The following UTRN variants were observed in gnomAD, a reference collection of about 807,000 sequenced individuals.
The protein encoded by UTRN is dystrophin-related protein 1.
A neutral mutation model predicts 463.9 loss-of-function variants in UTRN; 283 were observed. That is an observed-to-expected ratio of 0.61 (90% CI 0.55 to 0.67). The LOEUF is 0.67. UTRN is among the 30% of genes least tolerant of loss of function. UTRN has a pLI of 0.00. For synonymous variants in UTRN, 1,442 were observed against 1,431.5 expected, an observed-to-expected ratio of 1.01 and a Z score of -0.17; for missense variants, 3,922 against 4,084.3, an observed-to-expected ratio of 0.96 and a Z score of 1.08.
At chr6:144,763,037 T>G (rs1457513143) in intron 58 of UTRN, among the ~76,000 whole-genome samples, 1 of 152,188 alleles carries the variant, frequency 6.6e-6, no homozygotes, top group Non-Finnish European at 1.5e-5. Context: ...TAGCTCAGTT[T>G]TTCCCACTGG....
At chr6:144,548,515 C>A in intron 46 of UTRN, 125 bp from the exon 47 acceptor site, 1 of 828,414 alleles carries the variant, frequency 1.2e-6, no homozygotes, top group Non-Finnish European at 1.8e-6. Flanking sequence ...GAAAAAATAA[C>A]CTCTTAGAAT....
At chr6:144,310,998 G>A (rs993201502) in intron 2 of UTRN, among the ~76,000 whole-genome samples, 1 of 152,192 alleles carries the variant, frequency 6.6e-6, no homozygotes, top group Non-Finnish European at 1.5e-5. Flanking sequence ...ATTTGTCAGC[G>A]TGGTTGCCAA....
intron 34 of UTRN, among the ~76,000 whole-genome samples, chr6:144,500,430 T>C (rs1794068720): frequency 6.6e-6 from 1 of 152,204 alleles, no homozygotes; most frequent in Non-Finnish European, 1.5e-5. Context: ...TGTCTGTTCA[T>C]TTTATTTGCC....
At chr6:144,696,081 G>A (rs181969835) in intron 52 of UTRN, among the ~76,000 whole-genome samples, 18 of 152,178 alleles carry the variant, frequency 1.2e-4, no homozygotes, top group African/African-American at 2.6e-4. Flanking sequence ...TTAAAAGCCC[G>A]TAGAGAAGAT....
intron 73 of UTRN, among the ~76,000 whole-genome samples, chr6:144,842,404 A>T (rs1345063869): frequency 6.6e-6 from 1 of 151,972 alleles, no homozygotes; most frequent in African/African-American, 2.4e-5. Context: ...ACATGGCAAA[A>T]CCCTATCTCT....
At chr6:144,309,898 G>C (rs1806094406) in intron 2 of UTRN, among the ~76,000 whole-genome samples, 1 of 152,194 alleles carries the variant, frequency 6.6e-6, no homozygotes, top group African/African-American at 2.4e-5. Flanking sequence ...CACCTCCCAG[G>C]TCAGGGCCTG....
rs184700617 is a variant in UTRN, at chr6:144,827,152, C to T, written c.9495-196C>T. Among the ~76,000 whole-genome samples, 683 of 152,258 alleles carry T rather than the reference C, an allele frequency of 4.5e-3. 3 individuals are homozygous for T. The highest frequency in any genetic ancestry group is 0.014 in the African/African-American group (569 of 41,552). ...ATATCTGTGAAAAGGCCCCTGCAGA[C>T]TCTTGAATACACGGCGACTTCTCTA... On this transcript the variant is annotated intron_variant, in intron 66 of 74. Transcript: ENST00000367545.
At chr6:144,497,682 C>CA (rs111981536) in intron 33 of UTRN, among the ~76,000 whole-genome samples, 7,404 of 127,622 alleles carry the variant, frequency 0.058, 542 homozygotes, top group African/African-American at 0.18. Flanking sequence ...AACTCTGTCT[C>CA]AAAAAAAAAA....
intron 54 of UTRN, among the ~76,000 whole-genome samples, chr6:144,732,277 T>TATACATATATATATAC (rs1788740544): frequency 1.1e-5 from 1 of 88,744 alleles, no homozygotes; most frequent in African/African-American, 5.0e-5. Context: ...TATATATATA[T>TATACATATATATATAC]ACACACATAT....
chr6:144,301,874 C>T (rs2502630), intron 2 of UTRN, among the ~76,000 whole-genome samples: 20,676 of 151,956 alleles, frequency 0.14, 1,871 homozygotes, highest in African/African-American at 0.26. Flanking sequence ...CCCTCCCCCT[C>T]GCCCCAAAAA....
chr6:144,557,255 G>T lies in UTRN; in HGVS notation c.7233G>T (p.Arg2411Ser). Residue 2411 changes from arginine (R) to serine (S), a missense_variant, in exon 50 of 75, where the codon AGG (arginine) becomes AGT (serine). Around this residue, in one of 3 missense-constraint regions of UTRN, gnomAD observed 1,309 missense variants for 1,452.6 expected, o/e 0.90. Transcript: ENST00000367545. ...AGGAATATGGGAGTGATGACACAAG[G>T]AATGTGAAAGAAACCACAGAGTACT... The part of the protein sequence containing the change: ...LLEEYGSDDT[R>S]NVKETTEYLK... The T allele has an allele frequency of 6.2e-7, 1 of 1,613,896 alleles. No individual in the cohort carries two copies. The highest frequency in any genetic ancestry group is 8.5e-7 in the Non-Finnish European group (1 of 1,179,866).
chr6:144,801,644 G>C (rs568935141), intron 64 of UTRN, among the ~76,000 whole-genome samples: 1 of 152,150 alleles, frequency 6.6e-6, no homozygotes, highest in East Asian at 1.9e-4. Context: ...TGTTTTGTAA[G>C]CTGGGAATTG....
chr6:144,606,780 C>T (rs1804892417), intron 51 of UTRN, among the ~76,000 whole-genome samples: 1 of 152,116 alleles, frequency 6.6e-6, no homozygotes, highest in African/African-American at 2.4e-5. Flanking sequence ...GAGTTTTTAT[C>T]CTGGAATTTC....
intron 66 of UTRN, among the ~76,000 whole-genome samples, chr6:144,826,780 G>C (rs1438700626): frequency 1.3e-5 from 2 of 152,020 alleles, no homozygotes; most frequent in Non-Finnish European, 1.5e-5. Flanking sequence ...GGGATCTAGG[G>C]GTGGTATCTA....
intron 2 of UTRN, among the ~76,000 whole-genome samples, chr6:144,320,226 C>T (rs1333872657): frequency 3.3e-5 from 5 of 152,138 alleles, no homozygotes; most frequent in Admixed American, 6.5e-5. Flanking sequence ...CTTAACAGAT[C>T]GTTATAATTG....
intron 2 of UTRN, among the ~76,000 whole-genome samples, chr6:144,348,396 A>G (rs916113543): frequency 2.0e-5 from 3 of 152,280 alleles, no homozygotes; most frequent in Admixed American, 2.0e-4. Flanking sequence ...TCTTTGTCAT[A>G]TGTTAGGGAT....
intron 53 of UTRN, among the ~76,000 whole-genome samples, chr6:144,729,886 A>AT (rs566773527): frequency 3.3e-5 from 5 of 151,178 alleles, no homozygotes; most frequent in African/African-American, 7.3e-5. Context: ...CTATCGCTTC[A>AT]TTTTTTTTTC....
At chr6:144,848,137 G>A (rs1384303612) in intron 74 of UTRN, among the ~76,000 whole-genome samples, 14 of 152,144 alleles carry the variant, frequency 9.2e-5, no homozygotes, top group Admixed American at 6.5e-4. Context: ...ACTTTAGCAG[G>A]GAGTGAGGTT....
intron 17 of UTRN, among the ~76,000 whole-genome samples, chr6:144,449,926 A>G (rs1788085438): frequency 6.6e-6 from 1 of 152,196 alleles, no homozygotes; most frequent in Admixed American, 6.5e-5. Flanking sequence ...ATAATAGTGT[A>G]TACTTTTTAG....
Sources: gnomAD v4.1 joint callset for allele counts (sites outside exome capture counted in the v4.1 genomes callset) on GRCh38, gnomAD v4.1.1 for gene constraint, gnomAD v4.1.1 regional missense constraint, MANE v1.5 for transcripts, NCBI Gene and HGNC (gene_info 2026-07-23, HGNC 2026-07-21) for gene names.